Variants in HDGFL2 observed in about 807,000 individuals in gnomAD.
The protein encoded by HDGFL2 is HDGF like 2, also known as hepatoma-derived growth factor-related protein 2.
HDGFL2 carries 36 observed loss-of-function variants against 77.1 expected under a neutral mutation model. That is an observed-to-expected ratio of 0.47 (90% CI 0.36 to 0.62). The LOEUF is 0.62. Ranked by LOEUF, HDGFL2 falls within the 20% of genes least tolerant of loss-of-function variation. HDGFL2 has a pLI of 0.00. For missense variants in HDGFL2, 976 were observed against 973.4 expected, an observed-to-expected ratio of 1.00 and a Z score of -0.04; for synonymous variants, 463 against 413.1, an observed-to-expected ratio of 1.12 and a Z score of -1.46.
At chr19:4,497,258 C>T (rs1048653757) in intron 10 of HDGFL2, 9 of 415,592 alleles carry the variant, frequency 2.2e-5, no homozygotes, top group African/African-American at 6.2e-5. Context: ...AGTGCAGTGG[C>T]GCCATCTCAG....
intron 3 of HDGFL2, among the ~76,000 whole-genome samples, chr19:4,481,357 A>G (rs1488534079): frequency 6.6e-6 from 1 of 151,882 alleles, no homozygotes; most frequent in African/African-American, 2.4e-5. Flanking sequence ...CTCCTGGCTA[A>G]TTTTTTATAT....
At position 4,498,975 on chromosome 19, in the gene HDGFL2, C is replaced by T. The variant is rs545087175; in HGVS notation, c.1575+60C>T. The T allele has an allele frequency of 4.5e-4, 552 of 1,219,416 alleles. 1 individual carries two copies. The highest frequency in any genetic ancestry group is 6.2e-4 in the Non-Finnish European group (527 of 850,648). The allele number at this position is 1,219,416 out of a possible 1,614,324, so 75.5% of individuals were successfully genotyped here. A position where few individuals can be genotyped will look rare whatever the true frequency, so the allele number is the denominator to read the frequency against. On this transcript the variant is annotated intron_variant, in intron 13 of 15. Coordinates refer to ENST00000616600, the MANE Select transcript of HDGFL2 (RefSeq NM_001001520.3). The stretch of plus-strand genomic sequence containing the variant: ...CGGGGGAGCTGGGAGCAAGTGCCTG[C>T]CCGGGAGCCCAGGCCCCCAGCAGGT...
chr19:4,473,452 G>T (rs1190071120), intron 1 of HDGFL2, among the ~76,000 whole-genome samples: 2 of 152,028 alleles, frequency 1.3e-5, no homozygotes, highest in African/African-American at 4.8e-5. Flanking sequence ...CTCACCTGAG[G>T]GCCTGGGGAT....
At chr19:4,482,038 T>TTTTTG in intron 3 of HDGFL2, among the ~76,000 whole-genome samples, 1 of 134,304 alleles carries the variant, frequency 7.4e-6, no homozygotes, top group African/African-American at 2.8e-5. Flanking sequence ...TTTTTTTTTT[T>TTTTTG]TTTTTTTTTT....
intron 9 of HDGFL2, 42 bp downstream of exon 9, chr19:4,494,517 A>G (rs1477173715): frequency 4.6e-6 from 6 of 1,305,690 alleles, no homozygotes; most frequent in Non-Finnish European, 9.8e-7. Context: ...TTCACTCCAC[A>G]CGTTTATGGA....
In HDGFL2 at chr19:4,501,240, C is replaced by A. The variant is rs781568200; in HGVS notation, c.1839C>A (p.Ser613Arg). Residue 613 changes from serine to arginine, a missense_variant, in exon 15 of 16, where the codon AGC (serine) becomes AGA (arginine). This residue lies in a region of HDGFL2 where 229 missense variants were observed against 187.3 expected (regional missense o/e 1.22). Coordinates refer to ENST00000616600, the MANE Select transcript of HDGFL2 (RefSeq NM_001001520.3). ...AGGCCACATCACAGAAGGGGGAGAG[C>A]GCAGAGGACAAGGAGCACGAGGAGG... Reference protein sequence around the residue: ...NGEATSQKGESAEDKEHEEGR... With the variant: ...NGEATSQKGERAEDKEHEEGR... 4.3e-6 allele frequency: 7 copies of A among 1,613,744 alleles called. No homozygotes were observed. Among genetic ancestry groups the A allele is most frequent in the Admixed American group, 1.7e-5 (1 of 59,986 alleles).
At chr19:4,499,422 C>A in intron 13 of HDGFL2, 69 bp from the exon 14 acceptor site, 1 of 1,432,296 alleles carries the variant, frequency 7.0e-7, no homozygotes. Flanking sequence ...ATTGCTGGGG[C>A]GAGGGGTTCA....
intron 4 of HDGFL2, among the ~76,000 whole-genome samples, chr19:4,490,154 CT>C (rs1170489892): frequency 4.6e-5 from 7 of 152,206 alleles, no homozygotes; most frequent in African/African-American, 1.7e-4. Context: ...ATGGCATGAT[CT>C]CTGCTCACTG....
chr19:4,480,204 G>A (rs1378660473), intron 3 of HDGFL2, among the ~76,000 whole-genome samples: 1 of 152,136 alleles, frequency 6.6e-6, no homozygotes, highest in South Asian at 2.1e-4. Context: ...CTTGTTGCTT[G>A]GTAGATGAAG....
chr19:4,493,880 G>T lies in HDGFL2; in HGVS notation c.838+18G>T. Reference sequence around the variant, plus strand: ...GAAGCCAGGTAGGGCCCTCGTGCTCGCACATCTCTTGGCCTGGCCCCTGCC... The same window carrying T: ...GAAGCCAGGTAGGGCCCTCGTGCTCTCACATCTCTTGGCCTGGCCCCTGCC... On this transcript the variant is annotated intron_variant, in intron 7 of 15. Transcript: ENST00000616600. 6.6e-7 allele frequency: 1 copy of T among 1,505,252 alleles called. No individual in the cohort carries two copies. The highest frequency in any genetic ancestry group is 8.9e-7 in the Non-Finnish European group (1 of 1,119,884). The allele number at this position is 1,505,252 out of a possible 1,614,324, so 93.2% of individuals were successfully genotyped here.
intron 4 of HDGFL2, among the ~76,000 whole-genome samples, chr19:4,490,112 G>A (rs1388685378): frequency 6.6e-6 from 1 of 152,136 alleles, no homozygotes; most frequent in African/African-American, 2.4e-5. Flanking sequence ...TTTTGAGACG[G>A]ACTCTAGTTC....
At chr19:4,497,609 A>G in intron 10 of HDGFL2, 2 of 350,168 alleles carry the variant, frequency 5.7e-6, no homozygotes, top group South Asian at 6.0e-5. Context: ...AGCCTCAGCA[A>G]TGGGCCTCTC....
At chr19:4,490,822 C>T (rs1452365303) in intron 4 of HDGFL2, among the ~76,000 whole-genome samples, 5 of 146,608 alleles carry the variant, frequency 3.4e-5, no homozygotes, top group South Asian at 2.1e-4. Context: ...TTTTTTTTGG[C>T]GGGTGGGGGA....
In HDGFL2 at chr19:4,494,473, G is replaced by A. The variant is rs1975648533; in HGVS notation, c.1222G>A (p.Glu408Lys). The change falls in exon 9 of 16, where the codon GAG becomes AAG. Residue 408 changes from glutamate (E) to lysine (K), a missense_variant and splice_region_variant. By Grantham distance (56) the Glu-to-Lys change is moderately conservative (BLOSUM62 1). Coordinates refer to ENST00000616600, the MANE Select transcript of HDGFL2 (RefSeq NM_001001520.3). ...DSEPEAELER[E>K]AKKSAKKPQS... The stretch of plus-strand genomic sequence containing the variant: ...CGAGCCCGAGGCCGAGCTGGAGAGA[G>A]AGGTGAGCCGGGAGGGCGCCGGGAG... The A allele has an allele frequency of 7.2e-7, 1 of 1,383,984 alleles. No individual in the cohort carries two copies. Among genetic ancestry groups the A allele is most frequent in the Non-Finnish European group, 9.3e-7 (1 of 1,073,128 alleles). 85.7% of individuals were successfully genotyped at this position (1,383,984 alleles called of 1,614,324 possible). A position where few individuals can be genotyped will look rare whatever the true frequency, so the allele number is the denominator to read the frequency against.
In HDGFL2 at chr19:4,493,861, A is replaced by G. The variant is rs1975620666; in HGVS notation, c.837A>G (p.Pro279=). The G allele has an allele frequency of 2.0e-6, 3 of 1,504,582 alleles. No individual in the cohort carries two copies. The East Asian group carries it at 7.6e-5, about 38-fold the overall frequency. The allele number at this position is 1,504,582 out of a possible 1,614,324, so 93.2% of individuals were successfully genotyped here. A position where few individuals can be genotyped will look rare whatever the true frequency, so the allele number is the denominator to read the frequency against. Residue 279 remains proline (P), a splice_region_variant and synonymous_variant, in exon 7 of 16, where the codon CCA becomes CCG. Coordinates refer to ENST00000616600, the MANE Select transcript of HDGFL2 (RefSeq NM_001001520.3). The part of the protein sequence containing the change: ...SVKKPPRGRK[P]AEKPLPKPRG... ...AGAAGCCTCCGAGGGGCAGGAAGCC[A>G]GGTAGGGCCCTCGTGCTCGCACATC...
intron 3 of HDGFL2, among the ~76,000 whole-genome samples, chr19:4,478,713 ACTCT>A (rs1975135928): frequency 7.3e-6 from 1 of 136,202 alleles, no homozygotes; most frequent in Non-Finnish European, 1.6e-5. Context: ...ACGGTGTCTC[ACTCT>A]CTCGCCCAGG....
At chr19:4,476,410 C>G (rs1415172219) in intron 3 of HDGFL2, among the ~76,000 whole-genome samples, 2 of 150,008 alleles carry the variant, frequency 1.3e-5, no homozygotes, top group East Asian at 4.0e-4. Context: ...CCAGGCTGGT[C>G]TCGAACTCCT....
chr19:4,494,321 C>T lies in HDGFL2; in HGVS notation c.1070C>T (p.Ala357Val). ...KEEKERRRER[A>V]DRGEAERGSG... ...GAGAAGGAGCGGAGGCGCGAGCGGGCCGACCGCGGGGAGGCTGAGCGGGGC... is the reference window on the plus strand; with the variant it reads ...GAGAAGGAGCGGAGGCGCGAGCGGGTCGACCGCGGGGAGGCTGAGCGGGGC... The change falls in exon 9 of 16, where the codon GCC (alanine) becomes GTC (valine). Residue 357 changes from alanine (A) to valine (V), a missense_variant. Physicochemically the swap from Ala to Val is moderately conservative, Grantham distance 64 (BLOSUM62 0). This residue lies in a region of HDGFL2 where 567 missense variants were observed against 534.7 expected (regional missense o/e 1.06). Transcript: ENST00000616600. 2.1e-6 allele frequency: 3 copies of T among 1,423,062 alleles called. No homozygotes were observed. The highest frequency in any genetic ancestry group is 1.5e-5 in the South Asian group (1 of 65,760). The allele number at this position is 1,423,062 out of a possible 1,614,324, so 88.2% of individuals were successfully genotyped here.
rs1414871029 is a variant in HDGFL2, at chr19:4,502,147, C to T, written c.*137C>T. 5.6e-6 allele frequency: 4 copies of T among 717,188 alleles called. No homozygotes were observed. The highest frequency in any genetic ancestry group is 1.6e-5 in the South Asian group (1 of 64,498). 44.4% of individuals were successfully genotyped at this position (717,188 alleles called of 1,614,324 possible). A position where few individuals can be genotyped will look rare whatever the true frequency, so the allele number is the denominator to read the frequency against. ...TGTTCCCTTGGGTTTTTTTTTCCTG[C>T]CTAATTTCTGTGATTTCCAACCAAC... On this transcript the variant is annotated 3_prime_UTR_variant, in exon 16 of 16. Coordinates refer to ENST00000616600, the MANE Select transcript of HDGFL2 (RefSeq NM_001001520.3).
Sources: gnomAD v4.1 joint callset for allele counts (sites outside exome capture counted in the v4.1 genomes callset) on GRCh38, gnomAD v4.1.1 for gene constraint, gnomAD v4.1.1 regional missense constraint, MANE v1.5 for transcripts, NCBI Gene and HGNC (gene_info 2026-07-23, HGNC 2026-07-21) for gene names.